MYO1F: variants seen among roughly 807,000 people sequenced by gnomAD.
The protein encoded by MYO1F is myosin IF, also known as unconventional myosin-If.
In MYO1F, 60 loss-of-function variants were observed where a neutral mutation model predicts 146.6. The observed-to-expected ratio is 0.41, with a 90% CI of 0.33 to 0.51. The LOEUF is 0.51. MYO1F is among the 20% of genes least tolerant of loss of function. The pLI is 0.25. For missense variants in MYO1F, 1,274 were observed against 1,534.3 expected, an observed-to-expected ratio of 0.83 and a Z score of 2.83; for synonymous variants, 602 against 602.1, an observed-to-expected ratio of 1.00 and a Z score of 0.00.
intron 15 of MYO1F, among the ~76,000 whole-genome samples, chr19:8,541,468 G>T (rs572767515): frequency 7.6e-6 from 1 of 131,076 alleles, no homozygotes; most frequent in South Asian, 2.5e-4. Flanking sequence ...TCCCTCTGTC[G>T]CCCAGGCTGG....
In MYO1F at chr19:8,541,973, C is replaced by T. The variant is rs757617518; in HGVS notation, c.1543G>A (p.Gly515Ser). Residue 515 changes from glycine (G) to serine (S), a missense_variant, in exon 15 of 28, where the codon GGC (glycine) becomes AGC (serine). Around this residue, in one of 2 missense-constraint regions of MYO1F, gnomAD observed 900 missense variants for 1,155.1 expected, o/e 0.78. Transcript: ENST00000644032. Reference sequence around the variant, plus strand: ...ACGTCTCGGTTCCTCTCGCAGAAGCCGCTGACGTCGTAGGAGACCTGGAGG... The same window carrying T: ...ACGTCTCGGTTCCTCTCGCAGAAGCTGCTGACGTCGTAGGAGACCTGGAGG... Reference protein sequence around the residue: ...YAGKVSYDVSGFCERNRDVLF... With the variant: ...YAGKVSYDVSSFCERNRDVLF... 5.0e-6 allele frequency: 8 copies of T among 1,613,216 alleles called. No individual in the cohort carries two copies. The highest frequency in any genetic ancestry group is 2.2e-5 in the East Asian group (1 of 44,868).
chr19:8,545,836 G>T, intron 12 of MYO1F, 100 bp from the exon 13 acceptor site: 1 of 873,692 alleles, frequency 1.1e-6, no homozygotes, highest in Non-Finnish European at 2.0e-6. Context: ...ACTTAGGACT[G>T]TCTCTGGTAA....
chr19:8,523,599 C>G (rs1215905252), intron 25 of MYO1F, among the ~76,000 whole-genome samples: 2 of 152,152 alleles, frequency 1.3e-5, no homozygotes, highest in African/African-American at 4.8e-5. Context: ...AATCCTCCCA[C>G]TTCGGCCTCC....
chr19:8,532,901 A>AAATATATAT (rs1172873322), intron 19 of MYO1F, among the ~76,000 whole-genome samples: 4 of 47,826 alleles, frequency 8.4e-5, no homozygotes, highest in African/African-American at 4.3e-4. Flanking sequence ...AAAAAAAAAA[A>AAATATATAT]ATACACACAC....
intron 10 of MYO1F, chr19:8,549,852 G>A: frequency 2.1e-6 from 1 of 474,908 alleles, no homozygotes; most frequent in South Asian, 2.2e-5. Flanking sequence ...CCAGGCTGGA[G>A]TACAATAGCG....
intron 21 of MYO1F, among the ~76,000 whole-genome samples, chr19:8,528,429 G>T (rs1161009953): frequency 6.6e-6 from 1 of 151,940 alleles, no homozygotes; most frequent in Non-Finnish European, 1.5e-5. Context: ...TCGGGAGGCT[G>T]AGGCAGGAGA....
chr19:8,567,591 A>T (rs1019415663), intron 1 of MYO1F, among the ~76,000 whole-genome samples: 26 of 152,140 alleles, frequency 1.7e-4, no homozygotes, highest in Non-Finnish European at 3.7e-4. Context: ...TCCCAACCTC[A>T]GGTGATCCTC....
chr19:8,532,040 C>T (rs548271682), intron 19 of MYO1F, among the ~76,000 whole-genome samples: 7 of 152,164 alleles, frequency 4.6e-5, no homozygotes, highest in Admixed American at 4.6e-4. Flanking sequence ...ATCGCTTGAA[C>T]TCGGGAGGTG....
Position 8,539,993 on chromosome 19 carries a change from T to C in MYO1F, c.1646A>G (p.Asp549Gly). 1.2e-6 allele frequency: 2 copies of C among 1,611,770 alleles called. No individual in the cohort carries two copies. Among genetic ancestry groups the C allele is most frequent in the Non-Finnish European group, 1.7e-6 (2 of 1,178,716 alleles). Residue 549 changes from aspartate (D) to glycine (G), a missense_variant, in exon 16 of 28, where the codon GAT (aspartate) becomes GGT (glycine). By Grantham distance (94) the Asp-to-Gly change is moderately conservative. Transcript: ENST00000644032. ...FLRMLFPEKL[D>G]GDKKGRPSTA... is the part of the protein sequence containing the mutation. ...GCTGGGGCGCCCCTTCTTGTCTCCA[T>C]CCAGCTTCTCGGGGAAGAGCATCCG...
chr19:8,534,757 C>T (rs1046945175), intron 19 of MYO1F, among the ~76,000 whole-genome samples: 3 of 151,390 alleles, frequency 2.0e-5, no homozygotes, highest in African/African-American at 7.3e-5. Context: ...TCCTGAGTAG[C>T]TGGGATTACA....
intron 1 of MYO1F, among the ~76,000 whole-genome samples, chr19:8,568,833 A>G (rs1029918915): frequency 3.3e-5 from 5 of 152,036 alleles, no homozygotes; most frequent in Admixed American, 1.3e-4. Flanking sequence ...AGGCAGGGGA[A>G]TTGCTTGAAC....
At chr19:8,559,448 G>A (rs970433299) in intron 1 of MYO1F, among the ~76,000 whole-genome samples, 2 of 152,082 alleles carry the variant, frequency 1.3e-5, no homozygotes, top group African/African-American at 4.8e-5. Flanking sequence ...TTTGGCATAA[G>A]GGTAGATCTG....
At chr19:8,574,575 CTTT>C (rs2042177158) in intron 1 of MYO1F, among the ~76,000 whole-genome samples, 1 of 92,754 alleles carries the variant, frequency 1.1e-5, no homozygotes, top group Non-Finnish European at 2.2e-5. Context: ...TTCTTTCTTT[CTTT>C]CTCTCTCTCT....
rs74462698 is a variant in MYO1F, at chr19:8,548,601, T to C, written c.1102-284A>G. On this transcript the variant is annotated intron_variant, in intron 10 of 27. Coordinates refer to ENST00000644032, the MANE Select transcript of MYO1F (RefSeq NM_012335.4). ...TCTGCACCTCTATTTTCTTTTTTTT[T>C]TTTTCTTTTTTTTTTTTGAGACGGA... is the stretch of plus-strand genomic sequence containing the variant. Among the ~76,000 whole-genome samples, 6,542 of 142,702 alleles carry C rather than the reference T, an allele frequency of 0.046. 500 individuals carry two copies. The highest frequency in any genetic ancestry group is 0.17 in the African/African-American group (6,084 of 35,206). 93.6% of individuals were successfully genotyped at this position (142,702 alleles called of 152,430 possible).
chr19:8,526,529 G>T lies in MYO1F; in HGVS notation c.2694C>A (p.Phe898Leu). 1 of 1,589,414 alleles carries T rather than the reference G, an allele frequency of 6.3e-7. No homozygotes were observed. The highest frequency in any genetic ancestry group is 8.5e-7 in the Non-Finnish European group (1 of 1,169,976). The change falls in exon 24 of 28, where the codon TTC (phenylalanine) becomes TTA (leucine). Residue 898 changes from phenylalanine (F) to leucine (L), a missense_variant. This residue lies in a region of MYO1F where 374 missense variants were observed against 379.2 expected (regional missense o/e 0.99). Coordinates refer to ENST00000644032, the MANE Select transcript of MYO1F (RefSeq NM_012335.4). ...GTRSVTFSRG[F>L]GDLAVLKVGG... is the part of the protein sequence containing the mutation. ...CAACCTTGAGCACTGCCAAGTCGCC[G>T]AAGCCGCGGGAGAAGGTGACGCTGC... is the stretch of plus-strand genomic sequence containing the variant.
intron 14 of MYO1F, chr19:8,544,076 A>G (rs1973226029): frequency 6.8e-6 from 3 of 440,492 alleles, no homozygotes; most frequent in Admixed American, 7.2e-5. Flanking sequence ...TGGTGTCCAG[A>G]CAAGTTTGGG....
In MYO1F at chr19:8,521,534, C is replaced by G; in HGVS notation, c.3291G>C (p.Lys1097Asn). The G allele has an allele frequency of 6.2e-7, 1 of 1,614,136 alleles. No individual in the cohort carries two copies. ...CAGTATCCCAGGGCCCAGCTCAGAT[C>G]TTCTCCACGTAGTTTCCTGGGAAAA... ...EGLFPGNYVE[K>N]I The change falls in exon 28 of 28, where the codon AAG becomes AAC. Residue 1097 changes from lysine (K) to asparagine (N), a missense_variant. By Grantham distance (94) the Lys-to-Asn change is moderately conservative. Coordinates refer to ENST00000644032, the MANE Select transcript of MYO1F (RefSeq NM_012335.4).
In MYO1F at chr19:8,537,495, G is replaced by A. The variant is rs183168153; in HGVS notation, c.1693-440C>T. Among the ~76,000 whole-genome samples the A allele has an allele frequency of 1.8e-4, 27 of 152,172 alleles. No individual in the cohort carries two copies. The East Asian group carries it at 3.3e-3, about 18-fold the overall frequency. On this transcript the variant is annotated intron_variant, in intron 16 of 27. Transcript: ENST00000644032. ...TTTGCTCTGTCACCCAGGCTGGAGCGCAATGGTGCCATCTTGGCTCACTGC... is the reference window on the plus strand; with the variant it reads ...TTTGCTCTGTCACCCAGGCTGGAGCACAATGGTGCCATCTTGGCTCACTGC...
At chr19:8,556,500 A>AAGAAAGAAAG (rs1426962562) in intron 1 of MYO1F, among the ~76,000 whole-genome samples, 3 of 118,770 alleles carry the variant, frequency 2.5e-5, no homozygotes, top group African/African-American at 8.6e-5. Flanking sequence ...GAAAGAAAGA[A>AAGAAAGAAAG]AGAAAGAGAA....
Sources: gnomAD v4.1 joint callset for allele counts (sites outside exome capture counted in the v4.1 genomes callset) on GRCh38, gnomAD v4.1.1 for gene constraint, gnomAD v4.1.1 regional missense constraint, MANE v1.5 for transcripts, NCBI Gene and HGNC (gene_info 2026-07-23, HGNC 2026-07-21) for gene names.